RAB11FIP3: variants seen among roughly 807,000 people sequenced by gnomAD.
RAB11FIP3 encodes the protein RAB11 family interacting protein 3.
Under a neutral mutation model 77.8 loss-of-function variants are expected in RAB11FIP3, and 17 were observed. The observed-to-expected ratio is 0.22, with a 90% CI of 0.15 to 0.33. RAB11FIP3 has a LOEUF of 0.33. Among genes scored for constraint, RAB11FIP3 ranks in the 10% least tolerant of loss-of-function variants. The pLI, the probability that RAB11FIP3 is intolerant of heterozygous loss-of-function variation, is 1.00. For missense variants in RAB11FIP3, 1,005 were observed against 1,011.2 expected, an observed-to-expected ratio of 0.99 and a Z score of 0.08; for synonymous variants, 437 against 448.2, an observed-to-expected ratio of 0.98 and a Z score of 0.31.
intron 1 of RAB11FIP3, among the ~76,000 whole-genome samples, chr16:433,867 A>G (rs1405258455): frequency 6.6e-6 from 1 of 151,868 alleles, no homozygotes; most frequent in Non-Finnish European, 1.5e-5. Context: ...AAAAAAAAAA[A>G]AAAAAGTACT....
rs762229531 is a variant in RAB11FIP3 at position 426,712 on chromosome 16, G to C, written c.706G>C (p.Ala236Pro). The C allele has an allele frequency of 6.6e-7, 1 of 1,508,688 alleles. No individual in the cohort carries two copies. The allele number at this position is 1,508,688 out of a possible 1,614,324, so 93.5% of individuals were successfully genotyped here. A position where few individuals can be genotyped will look rare whatever the true frequency, so the allele number is the denominator to read the frequency against. Reference sequence around the variant, plus strand: ...CATCCAGTTTGCTACGGTCTACGGGGCAGAGCAGGTACGGAGCGGCCCGGG... The same window carrying C: ...CATCCAGTTTGCTACGGTCTACGGGCCAGAGCAGGTACGGAGCGGCCCGGG... ...DFIQFATVYGAEQVKDLTKYL... is the reference protein window; with the variant it reads ...DFIQFATVYGPEQVKDLTKYL... The change falls in exon 1 of 14, where the codon GCA becomes CCA. Residue 236 changes from alanine (A) to proline (P), a missense_variant. Physicochemically the swap from Ala to Pro is conservative, Grantham distance 27. Coordinates refer to ENST00000262305, the MANE Select transcript of RAB11FIP3 (RefSeq NM_014700.4). The surrounding 1 kb of genome is among the most constrained non-coding windows in gnomAD (Gnocchi z 5.0).
chr16:425,768 C>T lies in RAB11FIP3; in HGVS notation c.-239C>T, dbSNP rs961362431. Reference sequence around the variant, plus strand: ...CATCCGCCGCCCGGATCCTCGCCGCCCTCCCTAGGCCGCCCCGCCGCCATG... The same window carrying T: ...CATCCGCCGCCCGGATCCTCGCCGCTCTCCCTAGGCCGCCCCGCCGCCATG... On this transcript the variant is annotated 5_prime_UTR_variant, in exon 1 of 14. Coordinates refer to ENST00000262305, the MANE Select transcript of RAB11FIP3 (RefSeq NM_014700.4). The T allele has an allele frequency of 5.9e-6, 2 of 338,084 alleles. No homozygotes were observed. Among genetic ancestry groups the T allele is most frequent in the East Asian group, 8.9e-5 (2 of 22,370 alleles). The allele number at this position is 338,084 out of a possible 1,614,324, so 20.9% of individuals were successfully genotyped here.
At chr16:442,513 C>T (rs1334331621) in intron 1 of RAB11FIP3, among the ~76,000 whole-genome samples, 3 of 152,172 alleles carry the variant, frequency 2.0e-5, no homozygotes, top group African/African-American at 4.8e-5. Flanking sequence ...GTCTTCCTCC[C>T]GCTCAGCCGG....
Position 505,494 on chromosome 16 carries a change from C to G in RAB11FIP3, c.1396-30C>G. On this transcript the variant is annotated intron_variant, in intron 7 of 13. Coordinates refer to ENST00000262305, the MANE Select transcript of RAB11FIP3 (RefSeq NM_014700.4). This position sits in a 1 kb window ranked among gnomAD's most constrained non-coding sequence, Gnocchi z 4.0. ...TGCAGGCCCTTCTGCTTCTGGCTGCCTGACCCTGAAGCCTGGTCTCATTGC... is the reference window on the plus strand; with the variant it reads ...TGCAGGCCCTTCTGCTTCTGGCTGCGTGACCCTGAAGCCTGGTCTCATTGC... 6.3e-7 allele frequency: 1 copy of G among 1,576,362 alleles called. No individual in the cohort carries two copies. The highest frequency in any genetic ancestry group is 8.6e-7 in the Non-Finnish European group (1 of 1,159,600).
intron 8 of RAB11FIP3, among the ~76,000 whole-genome samples, chr16:509,591 GA>G (rs1370086246): frequency 6.6e-6 from 1 of 152,254 alleles, no homozygotes; most frequent in Non-Finnish European, 1.5e-5. Context: ...GGATGGTTGT[GA>G]AGATCTCAGG....
In RAB11FIP3 at chr16:426,499, C is replaced by CGGAA. The variant is rs2054946067; in HGVS notation, c.493_494insGGAA (p.Pro165ArgfsTer81). The CGGAA allele has an allele frequency of 6.3e-7, 1 of 1,579,376 alleles. No individual in the cohort carries two copies. The highest frequency in any genetic ancestry group is 1.8e-5 in the Admixed American group (1 of 54,286). ...CGAGGTCGACGTCTTCTCTCCCTTC[C>CGGAA]CCGCGCCCACGGCGGGCGAGCTGGC... On this transcript the variant is annotated frameshift_variant, in exon 1 of 14. Coordinates refer to ENST00000262305, the MANE Select transcript of RAB11FIP3 (RefSeq NM_014700.4). LOFTEE classifies it high-confidence loss of function. The surrounding 1 kb of genome is among the most constrained non-coding windows in gnomAD (Gnocchi z 5.0).
chr16:446,391 A>C (rs1567360868), intron 1 of RAB11FIP3, among the ~76,000 whole-genome samples: 2 of 152,244 alleles, frequency 1.3e-5, no homozygotes, highest in Admixed American at 6.5e-5. Context: ...ACGACATTGC[A>C]GGTGGGCTTT....
intron 1 of RAB11FIP3, among the ~76,000 whole-genome samples, chr16:448,754 A>G (rs936041420): frequency 2.0e-5 from 3 of 150,516 alleles, no homozygotes; most frequent in African/African-American, 7.3e-5. Flanking sequence ...AAAAAAAAAA[A>G]AAAATACAAA....
At chr16:443,058 CCATGAAGA>C (rs1251761156) in intron 1 of RAB11FIP3, among the ~76,000 whole-genome samples, 1 of 152,132 alleles carries the variant, frequency 6.6e-6, no homozygotes, top group Non-Finnish European at 1.5e-5. Flanking sequence ...AGAGAAGAAG[CCATGAAGA>C]CATTTCCTCT....
At chr16:442,800 G>A (rs2055248880) in intron 1 of RAB11FIP3, among the ~76,000 whole-genome samples, 2 of 152,184 alleles carry the variant, frequency 1.3e-5, no homozygotes, top group Admixed American at 6.6e-5. Flanking sequence ...TAACTCTCCT[G>A]AGGGTCACAA....
At chr16:485,004 A>G (rs1357363460) in intron 4 of RAB11FIP3, among the ~76,000 whole-genome samples, 1 of 152,000 alleles carries the variant, frequency 6.6e-6, no homozygotes, top group Non-Finnish European at 1.5e-5. Flanking sequence ...ACCCTGCCAC[A>G]TGCTTTTTAC....
intron 1 of RAB11FIP3, among the ~76,000 whole-genome samples, chr16:448,738 G>GAAAAA (rs34545276): frequency 2.3e-5 from 2 of 88,146 alleles, no homozygotes; most frequent in African/African-American, 4.5e-5. Flanking sequence ...TCCGTCTCAA[G>GAAAAA]AAAAAAAAAA....
chr16:458,882 G>C (rs1371657887), intron 1 of RAB11FIP3, among the ~76,000 whole-genome samples: 1 of 152,178 alleles, frequency 6.6e-6, no homozygotes, highest in East Asian at 1.9e-4. Flanking sequence ...TTATGGAAGA[G>C]TTCAAACCCA....
At chr16:448,270 T>C (rs935624765) in intron 1 of RAB11FIP3, among the ~76,000 whole-genome samples, 7 of 147,324 alleles carry the variant, frequency 4.8e-5, no homozygotes, top group African/African-American at 1.5e-4. Flanking sequence ...TGAGTCGAGA[T>C]TGCGCCATTG....
rs201364080 is a variant in RAB11FIP3, at chr16:436,465, C to CATTT, written c.714+9762_714+9765dup. On this transcript the variant is annotated intron_variant, in intron 1 of 13. Coordinates refer to ENST00000262305, the MANE Select transcript of RAB11FIP3 (RefSeq NM_014700.4). The stretch of plus-strand genomic sequence containing the variant: ...ATGCCCCCACACCCAGCCAATGTTT[C>CATTT]ATTTATTTATTTATTTATTTGTTTA... Among the ~76,000 whole-genome samples, 1,359 of 151,980 alleles carry CATTT rather than the reference C, an allele frequency of 8.9e-3. 24 individuals carry two copies. Among genetic ancestry groups the CATTT allele is most frequent in the African/African-American group, 0.031 (1,279 of 41,402 alleles).
At chr16:466,902 G>T (rs1433378477) in intron 2 of RAB11FIP3, among the ~76,000 whole-genome samples, 1 of 152,162 alleles carries the variant, frequency 6.6e-6, no homozygotes, top group Non-Finnish European at 1.5e-5. Context: ...GCCGGCCAGG[G>T]CTCTCCTATC....
chr16:457,440 C>T (rs1023674364), intron 1 of RAB11FIP3, among the ~76,000 whole-genome samples: 1 of 151,770 alleles, frequency 6.6e-6, no homozygotes, highest in African/African-American at 2.4e-5. Flanking sequence ...GTTTATGTCT[C>T]TTGGCTCGGT....
chr16:499,254 G>A (rs546557694), intron 6 of RAB11FIP3, among the ~76,000 whole-genome samples: 8 of 152,248 alleles, frequency 5.3e-5, no homozygotes, highest in East Asian at 1.9e-4. Context: ...TCTTAGGAAC[G>A]TGACGTGCAT....
chr16:500,820 G>A (rs1182222915), intron 6 of RAB11FIP3, among the ~76,000 whole-genome samples: 1 of 152,140 alleles, frequency 6.6e-6, no homozygotes, highest in Non-Finnish European at 1.5e-5. Flanking sequence ...CCTGGGGATG[G>A]CTGTGTCCCC....
Sources: gnomAD v4.1 joint callset for allele counts (sites outside exome capture counted in the v4.1 genomes callset) on GRCh38, gnomAD v4.1.1 for gene constraint, Gnocchi (gnomAD v3.1) non-coding constraint, MANE v1.5 for transcripts, NCBI Gene and HGNC (gene_info 2026-07-23, HGNC 2026-07-21) for gene names.